The following BTNL3 variants were observed in gnomAD, a reference collection of about 807,000 sequenced individuals.
BTNL3 encodes butyrophilin like 3.
A neutral mutation model predicts 40.1 loss-of-function variants in BTNL3; 20 were observed. The observed-to-expected ratio is 0.50, with a 90% CI of 0.35 to 0.72. The LOEUF (loss-of-function observed/expected upper bound fraction) is 0.72, where lower values mean the gene tolerates loss of function less well. Ranked by LOEUF, BTNL3 falls within the 30% of genes least tolerant of loss-of-function variation. BTNL3 has a pLI of 0.01. For synonymous variants in BTNL3, 179 were observed against 222.1 expected, an observed-to-expected ratio of 0.81 and a Z score of 1.73; for missense variants, 449 against 582.2, an observed-to-expected ratio of 0.77 and a Z score of 2.35.
chr5:181,003,742 G>A (rs1582090348), intron 4 of BTNL3, 114 bp from the exon 5 acceptor site: 14 of 1,566,598 alleles, frequency 8.9e-6, no homozygotes, highest in African/African-American at 1.3e-5. Context: ...AGTGTCCTAG[G>A]AGAGGCCCTG....
rs1361000776 is a variant in BTNL3 at position 181,005,607 on chromosome 5, T to C, written c.1136T>C (p.Val379Ala). The C allele has an allele frequency of 1.2e-6, 2 of 1,613,840 alleles. No individual in the cohort carries two copies. Among genetic ancestry groups the C allele is most frequent in the South Asian group, 2.2e-5 (2 of 91,074 alleles). ...TTGTCTCCCAACAATGGGTATTGGG[T>C]CCTCAGACTGACAACAGAACATTTG... is the stretch of plus-strand genomic sequence containing the variant. ...VTLSPNNGYW[V>A]LRLTTEHLYF... Residue 379 changes from valine (V) to alanine (A), a missense_variant, in exon 8 of 8, where the codon GTC becomes GCC. Val to Ala is a moderately conservative substitution (Grantham distance 64). This residue lies in a region of BTNL3 where 126 missense variants were observed against 117.2 expected (regional missense o/e 1.07). Transcript: ENST00000342868.
intron 3 of BTNL3, among the ~76,000 whole-genome samples, chr5:181,000,823 AAAATAAAATAAAAAAAT>A (rs1760099015): frequency 7.4e-6 from 1 of 135,968 alleles, no homozygotes; most frequent in African/African-American, 2.5e-5. Flanking sequence ...AAAAAAAAAT[AAAATAAAATAAAAAAAT>A]AAAATAAAAT....
At chr5:181,002,930 C>A in intron 4 of BTNL3, 145 bp downstream of exon 4, 1 of 1,009,346 alleles carries the variant, frequency 9.9e-7, no homozygotes, top group Non-Finnish European at 1.4e-6. Flanking sequence ...GGAACCCAGT[C>A]TTCAGCCTCC....
intron 3 of BTNL3, among the ~76,000 whole-genome samples, chr5:180,998,125 C>G (rs1246053308): frequency 7.4e-6 from 1 of 135,546 alleles, no homozygotes. Flanking sequence ...CTAAAAATCT[C>G]AATGGCAATT....
Position 181,003,096 on chromosome 5 carries a change from C to T in BTNL3, c.787+311C>T, listed in dbSNP as rs1340163064. ...ACAGGCTGAGTGCCGTGGCTCGTGTCTGTAATCCCAGCACTTTGGGAGGCC... is the reference window on the plus strand; with the variant it reads ...ACAGGCTGAGTGCCGTGGCTCGTGTTTGTAATCCCAGCACTTTGGGAGGCC... On this transcript the variant is annotated intron_variant, in intron 4 of 7. Transcript: ENST00000342868. Among the ~76,000 whole-genome samples the T allele has an allele frequency of 3.7e-5, 5 of 136,636 alleles. 1 individual carries two copies. The Admixed American group carries it at 3.9e-4, about 11-fold the overall frequency. 89.6% of individuals were successfully genotyped at this position (136,636 alleles called of 152,430 possible). A position where few individuals can be genotyped will look rare whatever the true frequency, so the allele number is the denominator to read the frequency against.
intron 5 of BTNL3, 132 bp downstream of exon 5, chr5:181,004,008 C>G (rs1287623037): frequency 6.6e-7 from 1 of 1,508,636 alleles, no homozygotes; most frequent in African/African-American, 1.4e-5. Context: ...AGCAGCTGCT[C>G]ACTCTCTCCA....
rs367967097 is a variant in BTNL3 at position 180,997,489 on chromosome 5, G to A, written c.673+1G>A. 1.4e-6 allele frequency: 2 copies of A among 1,463,624 alleles called. No individual in the cohort carries two copies. The highest frequency in any genetic ancestry group is 2.8e-5 in the African/African-American group (2 of 72,686). The allele number at this position is 1,463,624 out of a possible 1,614,324, so 90.7% of individuals were successfully genotyped here. ...GTGGAATCCAAGGTATTGATAGGAG[G>A]TGAGTGGGGAGAAGGAGGAGCAAGG... On this transcript the variant is annotated splice_donor_variant, in intron 3 of 7. Coordinates refer to ENST00000342868, the MANE Select transcript of BTNL3 (RefSeq NM_197975.3). LOFTEE classifies it high-confidence loss of function.
rs779214012 is a variant in BTNL3, at chr5:180,997,256, C to T, written c.441C>T (p.Asp147=). The T allele has an allele frequency of 7.5e-6, 11 of 1,464,570 alleles. 2 individuals are homozygous for T. The highest frequency in any genetic ancestry group is 2.4e-5 in the East Asian group (1 of 41,012). 90.7% of individuals were successfully genotyped at this position (1,464,570 alleles called of 1,614,324 possible). A position where few individuals can be genotyped will look rare whatever the true frequency, so the allele number is the denominator to read the frequency against. The change falls in exon 3 of 8, where the codon GAC becomes GAT. Residue 147 remains aspartate, a synonymous_variant. Coordinates refer to ENST00000342868, the MANE Select transcript of BTNL3 (RefSeq NM_197975.3). ...TCATTTCCATCGTGGGATATGTTGA[C>T]GGAGGTATCCAGTTACTCTGCCTGT... The part of the protein sequence containing the change: ...LPLISIVGYV[D]GGIQLLCLSS...
rs772212078 is a variant in BTNL3, at chr5:181,001,716, G to T, written c.674-956G>T. Among the ~76,000 whole-genome samples, 8 of 133,974 alleles carry T rather than the reference G, an allele frequency of 6.0e-5. 1 individual carries two copies. Among genetic ancestry groups the T allele is most frequent in the Non-Finnish European group, 1.2e-4 (7 of 58,804 alleles). The allele number at this position is 133,974 out of a possible 152,430, so 87.9% of individuals were successfully genotyped here. A position where few individuals can be genotyped will look rare whatever the true frequency, so the allele number is the denominator to read the frequency against. ...AAAAATTAGCTAGGCGTGGTGGCGG[G>T]CGCCTGTAGTCCCAGCCACTCAGGA... On this transcript the variant is annotated intron_variant, in intron 3 of 7. Transcript: ENST00000342868.
At chr5:180,999,313 G>A (rs942931297) in intron 3 of BTNL3, among the ~76,000 whole-genome samples, 3 of 135,770 alleles carry the variant, frequency 2.2e-5, no homozygotes, top group Non-Finnish European at 5.0e-5. Context: ...AAAGTTAGAC[G>A]GTTCGAAGTG....
chr5:181,006,033 C>A lies in BTNL3; in HGVS notation c.*161C>A. On this transcript the variant is annotated 3_prime_UTR_variant, in exon 8 of 8. Transcript: ENST00000342868. ...GGAGCTGAGGTTCTTCTGCCCTGAG[C>A]CCTGCAGCAGCGGCAGTCACAGCTT... 1 of 796,938 alleles carries A rather than the reference C, an allele frequency of 1.3e-6. No individual in the cohort carries two copies. The highest frequency in any genetic ancestry group is 1.9e-6 in the Non-Finnish European group (1 of 529,664). 49.4% of individuals were successfully genotyped at this position (796,938 alleles called of 1,614,324 possible).
At chr5:180,994,125 A>G (rs1760007082) in intron 2 of BTNL3, among the ~76,000 whole-genome samples, 1 of 137,620 alleles carries the variant, frequency 7.3e-6, no homozygotes, top group Admixed American at 7.6e-5. Context: ...TTAAACACTA[A>G]TAAAATGGAA....
In BTNL3 at chr5:180,991,463, G is replaced by A. The variant is rs1400270678; in HGVS notation, c.50-1350G>A. 2.2e-5 allele frequency among the ~76,000 whole-genome samples: 3 copies of A among 136,596 alleles called. 1 individual carries two copies. The highest frequency in any genetic ancestry group is 5.0e-5 in the Non-Finnish European group (3 of 59,682). 89.6% of individuals were successfully genotyped at this position (136,596 alleles called of 152,430 possible). On this transcript the variant is annotated intron_variant, in intron 1 of 7. Transcript: ENST00000342868. ...GGGGGTGGGTACTTAGAAGGTGAAG[G>A]GAGTGGGCCTCCATCGTTTGTGGTC...
In BTNL3 at chr5:181,001,735, C is replaced by T. The variant is rs1409123876; in HGVS notation, c.674-937C>T. On this transcript the variant is annotated intron_variant, in intron 3 of 7. Coordinates refer to ENST00000342868, the MANE Select transcript of BTNL3 (RefSeq NM_197975.3). Reference sequence around the variant, plus strand: ...TGGCGGGCGCCTGTAGTCCCAGCCACTCAGGAGGCTGAGGAAGGAGAATGG... The same window carrying T: ...TGGCGGGCGCCTGTAGTCCCAGCCATTCAGGAGGCTGAGGAAGGAGAATGG... 3.0e-5 allele frequency among the ~76,000 whole-genome samples: 4 copies of T among 134,644 alleles called. No homozygotes were observed. The East Asian group carries it at 8.8e-4, about 30-fold the overall frequency. 88.3% of individuals were successfully genotyped at this position (134,644 alleles called of 152,430 possible).
rs1025066258 is a variant in BTNL3 at position 181,001,489 on chromosome 5, A to G, written c.674-1183A>G. ...TGGCTAATTTTTTTTAATTTTAAAT[A>G]TTTTTATAGATGGGGGGGGGTCTCA... is the stretch of plus-strand genomic sequence containing the variant. On this transcript the variant is annotated intron_variant, in intron 3 of 7. Transcript: ENST00000342868. Among the ~76,000 whole-genome samples, 7 of 94,560 alleles carry G rather than the reference A, an allele frequency of 7.4e-5. No homozygotes were observed. In the South Asian group the frequency reaches 1.0e-3, roughly 14 times the overall value. 62.0% of individuals were successfully genotyped at this position (94,560 alleles called of 152,430 possible).
chr5:181,002,897 A>G lies in BTNL3; in HGVS notation c.787+112A>G. On this transcript the variant is annotated intron_variant, in intron 4 of 7. Coordinates refer to ENST00000342868, the MANE Select transcript of BTNL3 (RefSeq NM_197975.3). ...TCTGCTCTTCCAGCCCTAGGCCTAC[A>G]GGGGCCACCAGCTGAGGCACAGGGA... 1.6e-6 allele frequency: 2 copies of G among 1,237,320 alleles called. 1 individual carries two copies. Among genetic ancestry groups the G allele is most frequent in the Non-Finnish European group, 2.3e-6 (2 of 887,400 alleles). The allele number at this position is 1,237,320 out of a possible 1,614,324, so 76.6% of individuals were successfully genotyped here. A position where few individuals can be genotyped will look rare whatever the true frequency, so the allele number is the denominator to read the frequency against.
Position 181,005,600 on chromosome 5 carries a change from T to C in BTNL3, c.1129T>C (p.Tyr377His). 4 of 1,613,780 alleles carry C rather than the reference T, an allele frequency of 2.5e-6. No individual in the cohort carries two copies. Among genetic ancestry groups the C allele is most frequent in the Non-Finnish European group, 3.4e-6 (4 of 1,179,944 alleles). Reference sequence around the variant, plus strand: ...TGTGACTTTGTCTCCCAACAATGGGTATTGGGTCCTCAGACTGACAACAGA... The same window carrying C: ...TGTGACTTTGTCTCCCAACAATGGGCATTGGGTCCTCAGACTGACAACAGA... ...NNVTLSPNNGYWVLRLTTEHL... is the reference protein window; with the variant it reads ...NNVTLSPNNGHWVLRLTTEHL... Residue 377 changes from tyrosine to histidine, a missense_variant, in exon 8 of 8, where the codon TAT (tyrosine) becomes CAT (histidine). This residue lies in a region of BTNL3 where 126 missense variants were observed against 117.2 expected (regional missense o/e 1.07). Coordinates refer to ENST00000342868, the MANE Select transcript of BTNL3 (RefSeq NM_197975.3).
In BTNL3 at chr5:180,999,108, T is replaced by C. The variant is rs1238342483; in HGVS notation, c.673+1620T>C. ...TGCCACTGCACTCCAGCCTGGGCGATAGAGCAAGACTCCATCTCAAAAATA... is the reference window on the plus strand; with the variant it reads ...TGCCACTGCACTCCAGCCTGGGCGACAGAGCAAGACTCCATCTCAAAAATA... On this transcript the variant is annotated intron_variant, in intron 3 of 7. Transcript: ENST00000342868. Among the ~76,000 whole-genome samples, 3 of 136,058 alleles carry C rather than the reference T, an allele frequency of 2.2e-5. 1 individual carries two copies. The highest frequency in any genetic ancestry group is 4.3e-4 in the East Asian group (2 of 4,632). The allele number at this position is 136,058 out of a possible 152,430, so 89.3% of individuals were successfully genotyped here. A position where few individuals can be genotyped will look rare whatever the true frequency, so the allele number is the denominator to read the frequency against.
Position 181,002,786 on chromosome 5 carries a change from G to T in BTNL3, c.787+1G>T. The T allele has an allele frequency of 6.9e-7, 1 of 1,449,000 alleles. No homozygotes were observed. The highest frequency in any genetic ancestry group is 9.5e-7 in the Non-Finnish European group (1 of 1,050,102). 89.8% of individuals were successfully genotyped at this position (1,449,000 alleles called of 1,614,324 possible). A position where few individuals can be genotyped will look rare whatever the true frequency, so the allele number is the denominator to read the frequency against. On this transcript the variant is annotated splice_donor_variant, in intron 4 of 7. Transcript: ENST00000342868. LOFTEE classifies it high-confidence loss of function. ...ATAATTGTTTTCTTCAAATCCAAAG[G>T]TAAGTGAGAGAGAGAAGCATGGGCC...
Sources: allele counts gnomAD v4.1 joint callset (sites outside exome capture counted in the v4.1 genomes callset), GRCh38; gene constraint gnomAD v4.1.1; regional missense constraint gnomAD v4.1.1; transcripts MANE v1.5; gene names NCBI Gene and HGNC (gene_info 2026-07-23, HGNC 2026-07-21).